Variants in CPA6 observed in about 807,000 individuals in gnomAD.
CPA6 encodes the protein carboxypeptidase B.
A neutral mutation model predicts 63.3 loss-of-function variants in CPA6; 58 were observed. That is an observed-to-expected ratio of 0.92 (90% CI 0.74 to 1.14). CPA6 has a LOEUF of 1.14. CPA6 is among the 50% of genes most tolerant of loss of function. The pLI is 0.00. For missense variants in CPA6, 565 were observed against 526.6 expected (o/e 1.07, Z -0.71); for synonymous variants, 185 against 179.0 (o/e 1.03, Z -0.27).
chr8:67,654,108 G>T (rs939102234), intron 1 of CPA6, among the ~76,000 whole-genome samples: 1 of 152,142 alleles, frequency 6.6e-6, no homozygotes, highest in African/African-American at 2.4e-5. Flanking sequence ...GATCATGGTG[G>T]ATAAGCTTTT....
intron 1 of CPA6, among the ~76,000 whole-genome samples, chr8:67,654,477 T>A (rs1425167987): frequency 6.6e-6 from 1 of 152,086 alleles, no homozygotes; most frequent in Non-Finnish European, 1.5e-5. Flanking sequence ...CTTGGGAGGG[T>A]GTATGTGTTG....
chr8:67,554,041 A>G (rs890502148), intron 2 of CPA6, among the ~76,000 whole-genome samples: 4 of 152,168 alleles, frequency 2.6e-5, no homozygotes, highest in Non-Finnish European at 5.9e-5. Context: ...AAAAATAAAT[A>G]TTTTAGTAAA....
At chr8:67,728,208 A>G (rs1350599210) in intron 1 of CPA6, among the ~76,000 whole-genome samples, 1 of 152,090 alleles carries the variant, frequency 6.6e-6, no homozygotes, top group African/African-American at 2.4e-5. Flanking sequence ...CCTAAAAGTC[A>G]TTTACTACCC....
At chr8:67,651,725 T>C (rs1246815534) in intron 1 of CPA6, among the ~76,000 whole-genome samples, 2 of 152,100 alleles carry the variant, frequency 1.3e-5, no homozygotes, top group Non-Finnish European at 2.9e-5. Context: ...GCGCGAGAGC[T>C]ATTCTATTTT....
chr8:67,530,622 C>T (rs142764241), intron 2 of CPA6, among the ~76,000 whole-genome samples: 32 of 152,270 alleles, frequency 2.1e-4, no homozygotes, highest in African/African-American at 7.2e-4. Flanking sequence ...GAAGAAAACG[C>T]CAACTAGAGC....
intron 3 of CPA6, among the ~76,000 whole-genome samples, chr8:67,515,433 C>T (rs542573232): frequency 7.4e-4 from 112 of 152,318 alleles, no homozygotes; most frequent in African/African-American, 2.6e-3. Context: ...CTTGCCGCAT[C>T]AGACATTTGA....
chr8:67,617,365 CA>C (rs1814981044), intron 2 of CPA6, among the ~76,000 whole-genome samples: 1 of 152,144 alleles, frequency 6.6e-6, no homozygotes, highest in Admixed American at 6.5e-5. Context: ...AAATTTAACC[CA>C]TGACTGCAGT....
At chr8:67,626,867 C>CTT (rs200573210) in intron 1 of CPA6, among the ~76,000 whole-genome samples, 2 of 142,104 alleles carry the variant, frequency 1.4e-5, no homozygotes, top group African/African-American at 2.6e-5. Context: ...ATGAGAATAA[C>CTT]TTTTTTTTTT....
In CPA6 at chr8:67,736,133, G is replaced by C. The variant is rs1817808007; in HGVS notation, c.116+9881C>G. On this transcript the variant is annotated intron_variant, in intron 1 of 10. Coordinates refer to ENST00000297770, the MANE Select transcript of CPA6 (RefSeq NM_020361.5). ...GAAAGGAGAGGCAAACCAGCTTTCA[G>C]TCTCTGTGGAGACCTGACTCCATCT... Among the ~76,000 whole-genome samples, 4 of 152,226 alleles carry C rather than the reference G, an allele frequency of 2.6e-5. No individual in the cohort carries two copies. In the South Asian group the frequency reaches 8.3e-4, roughly 32 times the overall value.
chr8:67,499,345 A>C (rs777337269), intron 6 of CPA6, among the ~76,000 whole-genome samples: 1 of 152,154 alleles, frequency 6.6e-6, no homozygotes, highest in East Asian at 1.9e-4. Flanking sequence ...GATGAAATTG[A>C]CTGTTTCTCT....
chr8:67,602,908 G>T (rs1814532683), intron 2 of CPA6, among the ~76,000 whole-genome samples: 1 of 152,054 alleles, frequency 6.6e-6, no homozygotes, highest in Non-Finnish European at 1.5e-5. Flanking sequence ...AAATAATTTG[G>T]AACCCCTTGA....
intron 4 of CPA6, 31 bp from the exon 5 acceptor site, chr8:67,509,649 ACT>A (rs1354692114): frequency 9.0e-7 from 1 of 1,114,356 alleles, no homozygotes. Flanking sequence ...ACTATGTTAG[ACT>A]CTCTCAAAAT....
chr8:67,570,783 AC>A (rs1813467641), intron 2 of CPA6, among the ~76,000 whole-genome samples: 2 of 152,212 alleles, frequency 1.3e-5, no homozygotes, highest in Admixed American at 1.3e-4. Context: ...GAAGAAAGAA[AC>A]AAAGTATCTA....
chr8:67,742,563 T>C (rs886184307), intron 1 of CPA6, among the ~76,000 whole-genome samples: 1 of 152,198 alleles, frequency 6.6e-6, no homozygotes, highest in African/African-American at 2.4e-5. Flanking sequence ...AATTAATGTT[T>C]TTATAAATGT....
chr8:67,664,494 T>C (rs1223329710), intron 1 of CPA6, among the ~76,000 whole-genome samples: 1 of 152,192 alleles, frequency 6.6e-6, no homozygotes, highest in Admixed American at 6.5e-5. Context: ...AGGGCTGGCC[T>C]CTAGCCCACT....
At chr8:67,499,214 A>C (rs564190156) in intron 6 of CPA6, among the ~76,000 whole-genome samples, 5 of 152,262 alleles carry the variant, frequency 3.3e-5, no homozygotes, top group Non-Finnish European at 5.9e-5. Flanking sequence ...TGGGACGGTA[A>C]TGCTGGCCAA....
intron 8 of CPA6, among the ~76,000 whole-genome samples, chr8:67,440,874 T>G (rs1319511843): frequency 6.6e-6 from 1 of 152,212 alleles, no homozygotes; most frequent in Non-Finnish European, 1.5e-5. Context: ...ATGACTGTAC[T>G]CCATTCTCTT....
At chr8:67,433,951 T>C in intron 9 of CPA6, 87 bp downstream of exon 9, 1 of 851,470 alleles carries the variant, frequency 1.2e-6, no homozygotes, top group Non-Finnish European at 2.0e-6. Flanking sequence ...AAACATGTGT[T>C]TGCCATTATC....
intron 3 of CPA6, among the ~76,000 whole-genome samples, chr8:67,512,330 C>A (rs879065841): frequency 6.6e-6 from 1 of 152,092 alleles, no homozygotes; most frequent in Admixed American, 6.5e-5. Context: ...ACCCCTGACC[C>A]AAGACAGAGA....
Sources: gnomAD v4.1 joint callset for allele counts (sites outside exome capture counted in the v4.1 genomes callset) on GRCh38, gnomAD v4.1.1 for gene constraint, MANE v1.5 for transcripts, NCBI Gene and HGNC (gene_info 2026-07-23, HGNC 2026-07-21) for gene names.